PRAMEF15: variants seen among roughly 807,000 people sequenced by gnomAD.
The protein encoded by PRAMEF15 is PRAME family member 15, also known as PRAME family member 9/15.
PRAMEF15 carries 21 observed loss-of-function variants against 35.3 expected under a neutral mutation model. The observed-to-expected ratio is 0.59, with a 90% CI of 0.42 to 0.86. The LOEUF is 0.86. Among genes scored for constraint, PRAMEF15 ranks in the 40% least tolerant of loss-of-function variants. The probability of loss-of-function intolerance (pLI) is 0.00; values close to 1 mark genes in which losing one functional copy is unlikely to be tolerated. For missense variants in PRAMEF15, 360 were observed against 574.1 expected (o/e 0.63, Z 3.81); for synonymous variants, 122 against 223.3 (o/e 0.55, Z 4.05).
In PRAMEF15 at chr1:13,319,377, G is replaced by A. The variant is rs1348434712; in HGVS notation, c.299G>A (p.Trp100Ter). 1.2e-6 allele frequency: 2 copies of A among 1,610,842 alleles called. No individual in the cohort carries two copies. Among genetic ancestry groups the A allele is most frequent in the Admixed American group, 1.7e-5 (1 of 59,934 alleles). Residue 100 changes from tryptophan (W) to a stop codon, truncating the protein, a stop_gained, in exon 3 of 4, where the codon TGG (tryptophan) becomes TAG (stop). Transcript: ENST00000376152. LOFTEE classifies it high-confidence loss of function. The part of the protein sequence containing the change: ...LLTQGVRPRR[W>*]KLQVLDLQDV... ...TCACCTCTATTTTGCCACAGGAGGT[G>A]GAAACTCCAAGTGCTGGATTTACAG...
At chr1:13,320,465 C>T (rs1197187140) in intron 3 of PRAMEF15, among the ~76,000 whole-genome samples, 3,988 of 152,064 alleles carry the variant, frequency 0.026, 217 homozygotes, top group African/African-American at 0.091. Flanking sequence ...CTTTGATCGT[C>T]CAGGCTACAG....
intron 1 of PRAMEF15, among the ~76,000 whole-genome samples, chr1:13,317,480 A>C (rs1313377219): frequency 6.6e-6 from 1 of 152,016 alleles, no homozygotes; most frequent in Admixed American, 6.6e-5. Context: ...GAAATTTTCA[A>C]TAATGAGGCT....
intron 1 of PRAMEF15, among the ~76,000 whole-genome samples, chr1:13,316,466 G>C (rs1193391857): frequency 6.7e-6 from 1 of 150,066 alleles, no homozygotes; most frequent in African/African-American, 2.5e-5. Flanking sequence ...ATCTTTGACC[G>C]TAATTTTAAA....
Position 13,319,945 on chromosome 1 carries a change from G to A in PRAMEF15, c.867G>A (p.Gln289=). ...CTTTCCTCGAAGGCCACCTGGACCAGCTGCTCAGGTGAGGGAGGATGGTGA... is the reference window on the plus strand; with the variant it reads ...CTTTCCTCGAAGGCCACCTGGACCAACTGCTCAGGTGAGGGAGGATGGTGA... ...SVSFLEGHLD[Q]LLSCLKTSLK... is the part of the protein sequence containing the mutation. The change falls in exon 3 of 4, where the codon CAG becomes CAA. Residue 289 remains glutamine, a synonymous_variant. Transcript: ENST00000376152. 3 of 1,611,352 alleles carry A rather than the reference G, an allele frequency of 1.9e-6. No individual in the cohort carries two copies. Among genetic ancestry groups the A allele is most frequent in the Non-Finnish European group, 2.5e-6 (3 of 1,179,850 alleles).
rs1200835434 is a variant in PRAMEF15, at chr1:13,322,040, A to G, written c.1213A>G (p.Ile405Val). 3 of 1,609,732 alleles carry G rather than the reference A, an allele frequency of 1.9e-6. No individual in the cohort carries two copies. Among genetic ancestry groups the G allele is most frequent in the African/African-American group, 2.7e-5 (2 of 74,616 alleles). The change falls in exon 4 of 4, where the codon ATC (isoleucine) becomes GTC (valine). Residue 405 changes from isoleucine (I) to valine (V), a missense_variant. Coordinates refer to ENST00000376152, the MANE Select transcript of PRAMEF15 (RefSeq NM_001098376.3). ...ATLENLLSHT[I>V]ILKNLCVELY... ...CCTGGAGAACCTGCTGAGCCACACA[A>G]TCATACTCAAAAACTTATGTGTGGA... is the stretch of plus-strand genomic sequence containing the variant.
rs1281602945 is a variant in PRAMEF15, at chr1:13,315,612, T to A, written c.-63T>A. On this transcript the variant is annotated 5_prime_UTR_variant, in exon 1 of 4. Transcript: ENST00000376152. The stretch of plus-strand genomic sequence containing the variant: ...AGTCTTCAAGCCTGGAGTTCCTGCT[T>A]GGTTCTTCCTGAGGTCTGAGCACCT... The A allele has an allele frequency of 3.3e-5, 5 of 151,146 alleles. No homozygotes were observed. Among genetic ancestry groups the A allele is most frequent in the African/African-American group, 1.2e-4 (5 of 40,908 alleles). 9.4% of individuals were successfully genotyped at this position (151,146 alleles called of 1,614,324 possible).
At position 13,322,007 on chromosome 1, in the gene PRAMEF15, A is replaced by G. The variant is rs1185434775; in HGVS notation, c.1180A>G (p.Met394Val). ...TFSFCGNPIC[M>V]ATLENLLSHT... ...CAGCTTCTGTGGAAATCCCATCTGC[A>G]TGGCCACCCTGGAGAACCTGCTGAG... The change falls in exon 4 of 4, where the codon ATG becomes GTG. Residue 394 changes from methionine (M) to valine (V), a missense_variant. This residue lies in a region of PRAMEF15 where 147 missense variants were observed against 123.5 expected (regional missense o/e 1.19). Coordinates refer to ENST00000376152, the MANE Select transcript of PRAMEF15 (RefSeq NM_001098376.3). 2 of 1,609,800 alleles carry G rather than the reference A, an allele frequency of 1.2e-6. No individual in the cohort carries two copies. The highest frequency in any genetic ancestry group is 1.3e-5 in the African/African-American group (1 of 74,782).
At chr1:13,318,182 G>T (rs879174100) in intron 1 of PRAMEF15, among the ~76,000 whole-genome samples, 1 of 152,158 alleles carries the variant, frequency 6.6e-6, no homozygotes, top group Admixed American at 6.5e-5. Flanking sequence ...GCTAGTGGTG[G>T]CCCTGCTTCC....
intron 1 of PRAMEF15, among the ~76,000 whole-genome samples, chr1:13,316,554 C>G (rs1308007999): frequency 6.6e-6 from 1 of 151,948 alleles, no homozygotes; most frequent in Non-Finnish European, 1.5e-5. Flanking sequence ...ATGTGGAAGG[C>G]TGAAGCATGA....
chr1:13,318,355 A>C (rs1290105527), intron 1 of PRAMEF15, 37 bp from the exon 2 acceptor site: 11 of 1,520,272 alleles, frequency 7.2e-6, no homozygotes, highest in African/African-American at 1.4e-5. Context: ...GCTTGGCCTG[A>C]GAGTGATGCC....
intron 1 of PRAMEF15, among the ~76,000 whole-genome samples, chr1:13,316,911 C>A (rs1217101846): frequency 1.3e-5 from 2 of 150,214 alleles, no homozygotes; most frequent in African/African-American, 5.0e-5. Context: ...TAGTAAAACT[C>A]CATGTTTGTG....
chr1:13,317,102 G>A (rs1272988001), intron 1 of PRAMEF15, among the ~76,000 whole-genome samples: 5 of 151,534 alleles, frequency 3.3e-5, no homozygotes, highest in Admixed American at 3.3e-4. Flanking sequence ...GTTCAATCTA[G>A]CCTATTCCCC....
chr1:13,322,468 G>A lies in PRAMEF15; in HGVS notation c.*204G>A, dbSNP rs1640098584. ...GGATTCGATGGGACTTTGGGGACCT[G>A]TGTCCTGTAGATTCGAAAATGGGAA... On this transcript the variant is annotated 3_prime_UTR_variant, in exon 4 of 4. Transcript: ENST00000376152. 5 of 811,424 alleles carry A rather than the reference G, an allele frequency of 6.2e-6. No homozygotes were observed. The highest frequency in any genetic ancestry group is 9.5e-6 in the Non-Finnish European group (5 of 525,576). The allele number at this position is 811,424 out of a possible 1,614,324, so 50.3% of individuals were successfully genotyped here.
intron 3 of PRAMEF15, 67 bp from the exon 4 acceptor site, chr1:13,321,636 C>T (rs1372701547): frequency 0.022 from 33,292 of 1,530,192 alleles, 452 homozygotes; most frequent in Non-Finnish European, 0.025. Flanking sequence ...ACCTTGAAGC[C>T]ATTCCCCACC....
intron 1 of PRAMEF15, among the ~76,000 whole-genome samples, chr1:13,316,388 G>T (rs1360879467): frequency 1.3e-5 from 2 of 151,612 alleles, no homozygotes; most frequent in Non-Finnish European, 2.9e-5. Flanking sequence ...TCATACCACT[G>T]CTGTACTCCA....
chr1:13,318,295 C>G lies in PRAMEF15; in HGVS notation c.-16-97C>G, dbSNP rs1453149784. On this transcript the variant is annotated intron_variant, in intron 1 of 3. Coordinates refer to ENST00000376152, the MANE Select transcript of PRAMEF15 (RefSeq NM_001098376.3). ...TTGGAGTAAACTGAGGACTCTTTCA[C>G]CATTGCCAGAGCAGTGAGTTTGGCC... is the stretch of plus-strand genomic sequence containing the variant. The G allele has an allele frequency of 1.8e-5, 28 of 1,589,960 alleles. 2 individuals carry two copies. In the African/African-American group the frequency reaches 3.4e-4, roughly 19 times the overall value.
Position 13,322,182 on chromosome 1 carries a change from G to A in PRAMEF15, c.1355G>A (p.Arg452Lys), listed in dbSNP as rs1249043322. ...GTGAGGGACTTAAGGCACCCCAAGA[G>A]GATCTTGTTCTGTACTGACTACTGC... is the stretch of plus-strand genomic sequence containing the variant. Reference protein sequence around the residue: ...NRVRDLRHPKRILFCTDYCPD... With the variant: ...NRVRDLRHPKKILFCTDYCPD... Residue 452 changes from arginine (R) to lysine (K), a missense_variant, in exon 4 of 4, where the codon AGG becomes AAG. By Grantham distance (26) the Arg-to-Lys change is conservative. Transcript: ENST00000376152. 5.3e-5 allele frequency: 85 copies of A among 1,608,636 alleles called. No homozygotes were observed. The highest frequency in any genetic ancestry group is 7.1e-5 in the Non-Finnish European group (84 of 1,179,154).
At chr1:13,320,890 G>C (rs1640075077) in intron 3 of PRAMEF15, among the ~76,000 whole-genome samples, 2 of 152,048 alleles carry the variant, frequency 1.3e-5, no homozygotes, top group Non-Finnish European at 2.9e-5. Flanking sequence ...AGTTTCTTTT[G>C]AGCTCCAGGT....
intron 3 of PRAMEF15, among the ~76,000 whole-genome samples, chr1:13,321,309 G>C (rs1196889069): frequency 6.7e-6 from 1 of 149,980 alleles, no homozygotes; most frequent in Non-Finnish European, 1.5e-5. Context: ...ACACCTCCTG[G>C]GTTCAAGCGA....
Sources: gnomAD v4.1 joint callset for allele counts (sites outside exome capture counted in the v4.1 genomes callset) on GRCh38, gnomAD v4.1.1 for gene constraint, gnomAD v4.1.1 regional missense constraint, MANE v1.5 for transcripts, NCBI Gene and HGNC (gene_info 2026-07-23, HGNC 2026-07-21) for gene names.